NDST4: variants seen among roughly 807,000 people sequenced by gnomAD.
NDST4 encodes the protein N-deacetylase and N-sulfotransferase 4, also known as N-heparan sulfate sulfotransferase 4.
In NDST4, 63 loss-of-function variants were observed where a neutral mutation model predicts 100.8. The observed-to-expected ratio is 0.62, with a 90% CI of 0.51 to 0.77. The LOEUF is 0.77. Ranked by LOEUF, NDST4 falls within the 30% of genes least tolerant of loss-of-function variation. The pLI, the probability that NDST4 is intolerant of heterozygous loss-of-function variation, is 0.00. For synonymous variants in NDST4, 377 were observed against 361.8 expected (o/e 1.04, Z -0.48); for missense variants, 943 against 1,018.4 (o/e 0.93, Z 1.01).
Position 114,831,266 on chromosome 4 carries a change from A to G in NDST4, c.2397-1374T>C, listed in dbSNP as rs911225941. On this transcript the variant is annotated intron_variant, in intron 12 of 13. Coordinates refer to ENST00000264363, the MANE Select transcript of NDST4 (RefSeq NM_022569.3). Reference sequence around the variant, plus strand: ...ACGGGGTTTCACCTTGTTAGCCAGGATGGTCTCGATCTCCTGACCTCATGA... The same window carrying G: ...ACGGGGTTTCACCTTGTTAGCCAGGGTGGTCTCGATCTCCTGACCTCATGA... Among the ~76,000 whole-genome samples, 7 of 151,492 alleles carry G rather than the reference A, an allele frequency of 4.6e-5. No homozygotes were observed. In the East Asian group the frequency reaches 5.8e-4, roughly 13 times the overall value.
At chr4:114,842,359 G>A (rs1723443182) in intron 10 of NDST4, among the ~76,000 whole-genome samples, 1 of 151,864 alleles carries the variant, frequency 6.6e-6, no homozygotes, top group Admixed American at 6.6e-5. Context: ...TCAGGTCTTT[G>A]GATTTACCAG....
rs1057076071 is a variant in NDST4, at chr4:115,106,099, G to T, written c.-247+7345C>A. Among the ~76,000 whole-genome samples, 7 of 152,078 alleles carry T rather than the reference G, an allele frequency of 4.6e-5. No individual in the cohort carries two copies. In the East Asian group the frequency reaches 5.8e-4, roughly 13 times the overall value. ...GCAATTACATCATAAGGTAATAAGT[G>T]CCCTGATGGAACAGTGTGGGGGTAG... On this transcript the variant is annotated intron_variant, in intron 1 of 13. Coordinates refer to ENST00000264363, the MANE Select transcript of NDST4 (RefSeq NM_022569.3).
At chr4:114,871,006 G>T in intron 6 of NDST4, 56 bp from the exon 7 acceptor site, 1 of 1,408,566 alleles carries the variant, frequency 7.1e-7, no homozygotes, top group Non-Finnish European at 9.7e-7. Flanking sequence ...CTTAAAAGTA[G>T]CAGTACAAGC....
chr4:114,988,820 C>T (rs1054236743), intron 2 of NDST4, among the ~76,000 whole-genome samples: 3 of 152,144 alleles, frequency 2.0e-5, no homozygotes, highest in African/African-American at 7.2e-5. Context: ...ATAAATATAA[C>T]TAATTTTAGA....
At chr4:115,028,153 A>C (rs1578466636) in intron 2 of NDST4, among the ~76,000 whole-genome samples, 1 of 152,152 alleles carries the variant, frequency 6.6e-6, no homozygotes, top group African/African-American at 2.4e-5. Context: ...AATGGTATAC[A>C]TTCAAGGAGG....
chr4:115,017,930 A>C (rs1727722310), intron 2 of NDST4, among the ~76,000 whole-genome samples: 1 of 151,914 alleles, frequency 6.6e-6, no homozygotes, highest in African/African-American at 2.4e-5. Flanking sequence ...TGTAAAAAAA[A>C]ATTGAGAAGA....
chr4:114,840,090 A>G (rs1723394351), intron 10 of NDST4, among the ~76,000 whole-genome samples: 1 of 152,184 alleles, frequency 6.6e-6, no homozygotes, highest in African/African-American at 2.4e-5. Flanking sequence ...ATCAGGTGCT[A>G]TGGGTACAGA....
intron 1 of NDST4, among the ~76,000 whole-genome samples, chr4:115,102,801 C>T (rs544957780): frequency 3.3e-5 from 5 of 150,342 alleles, no homozygotes; most frequent in South Asian, 4.2e-4. Context: ...CTCCACCTCC[C>T]GGGTTCAAGC....
chr4:114,929,992 G>A (rs1361170578), intron 6 of NDST4, among the ~76,000 whole-genome samples: 1 of 152,114 alleles, frequency 6.6e-6, no homozygotes, highest in Non-Finnish European at 1.5e-5. Flanking sequence ...ATATGTGTCA[G>A]GAATGTAGCC....
chr4:114,997,964 T>C (rs530608370), intron 2 of NDST4, among the ~76,000 whole-genome samples: 8 of 152,222 alleles, frequency 5.3e-5, no homozygotes, highest in African/African-American at 1.9e-4. Context: ...GAAAATTATA[T>C]GTAGTCTATG....
intron 1 of NDST4, among the ~76,000 whole-genome samples, chr4:115,081,685 T>TAAAATA (rs1247292018): frequency 6.6e-6 from 1 of 152,212 alleles, no homozygotes; most frequent in Non-Finnish European, 1.5e-5. Flanking sequence ...ATATGTGGCA[T>TAAAATA]TTATTTTTAA....
intron 8 of NDST4, among the ~76,000 whole-genome samples, chr4:114,848,993 G>A (rs1723617014): frequency 6.6e-6 from 1 of 152,180 alleles, no homozygotes; most frequent in African/African-American, 2.4e-5. Context: ...CAGATTCTAG[G>A]AGGAAGTGTA....
At chr4:114,855,282 G>A (rs1461905573) in intron 7 of NDST4, among the ~76,000 whole-genome samples, 1 of 152,044 alleles carries the variant, frequency 6.6e-6, no homozygotes, top group Non-Finnish European at 1.5e-5. Context: ...TTAACTTGAT[G>A]TGATCCCATT....
rs1270899240 is a variant in NDST4 at position 114,935,239 on chromosome 4, T to C, written c.1503A>G (p.Gly501=). 1 of 1,608,866 alleles carries C rather than the reference T, an allele frequency of 6.2e-7. No individual in the cohort carries two copies. The highest frequency in any genetic ancestry group is 1.7e-5 in the Admixed American group (1 of 59,100). The part of the protein sequence containing the change: ...GPQELDKSIR[G]GELFLTILLN... ...GAAGGATTGTGAGAAAAAGTTCACC[T>C]CCTCTGATACTTTTATCCAGTTCTT... Residue 501 remains glycine (G), a synonymous_variant, in exon 6 of 14, where the codon GGA becomes GGG. Coordinates refer to ENST00000264363, the MANE Select transcript of NDST4 (RefSeq NM_022569.3).
At chr4:115,059,124 G>T (rs1167493361) in intron 2 of NDST4, among the ~76,000 whole-genome samples, 2 of 151,864 alleles carry the variant, frequency 1.3e-5, no homozygotes, top group Non-Finnish European at 1.5e-5. Flanking sequence ...ACTCCAAAAT[G>T]TAATAACTTT....
chr4:114,996,242 T>C (rs527679475), intron 2 of NDST4, among the ~76,000 whole-genome samples: 1 of 152,118 alleles, frequency 6.6e-6, no homozygotes, highest in South Asian at 2.1e-4. Flanking sequence ...ATCTGATGGT[T>C]TTATAAGCGT....
intron 4 of NDST4, among the ~76,000 whole-genome samples, chr4:114,953,746 C>T (rs1389563889): frequency 6.6e-6 from 1 of 151,910 alleles, no homozygotes; most frequent in Admixed American, 6.6e-5. Context: ...TGAGAAATGG[C>T]TAACTCATTC....
At chr4:114,919,614 T>C (rs1322119990) in intron 6 of NDST4, among the ~76,000 whole-genome samples, 2 of 152,178 alleles carry the variant, frequency 1.3e-5, no homozygotes, top group African/African-American at 2.4e-5. Context: ...ACTTGGTAAA[T>C]GCAGAGAGGG....
chr4:114,922,084 C>T (rs1183807780), intron 6 of NDST4, among the ~76,000 whole-genome samples: 3 of 152,168 alleles, frequency 2.0e-5, no homozygotes, highest in African/African-American at 7.2e-5. Flanking sequence ...CGGCCACCAT[C>T]GGGTGATGGT....
Sources: gnomAD v4.1 joint callset for allele counts (sites outside exome capture counted in the v4.1 genomes callset) on GRCh38, gnomAD v4.1.1 for gene constraint, MANE v1.5 for transcripts, NCBI Gene and HGNC (gene_info 2026-07-23, HGNC 2026-07-21) for gene names.